The following PLEKHG2 variants were observed in gnomAD, a reference collection of about 807,000 sequenced individuals.
The protein encoded by PLEKHG2 is pleckstrin homology and RhoGEF domain containing G2.
A neutral mutation model predicts 104.4 loss-of-function variants in PLEKHG2; 71 were observed. The ratio of observed to expected loss-of-function variants is 0.68; its 90% CI spans 0.56 to 0.83. The LOEUF is 0.83. Among genes scored for constraint, PLEKHG2 ranks in the 40% least tolerant of loss-of-function variants. PLEKHG2 has a pLI of 0.00. For synonymous variants in PLEKHG2, 728 were observed against 737.0 expected (o/e 0.99, Z 0.20); for missense variants, 1,730 against 1,809.4 (o/e 0.96, Z 0.80).
At position 39,418,001 on chromosome 19, in the gene PLEKHG2, G is replaced by T; in HGVS notation, c.979G>T (p.Gly327Cys). 1 of 1,557,474 alleles carries T rather than the reference G, an allele frequency of 6.4e-7. No individual in the cohort carries two copies. Residue 327 changes from glycine to cysteine, a missense_variant, in exon 9 of 19, where the codon GGC becomes TGC. Transcript: ENST00000425673. ...EGAFRGGGGG[G>C]PRLRGGERLL... ...CGCGTTCCGAGGAGGCGGAGGGGGT[G>T]GCCCCCGGCTACGAGGGGGTGAGCG... is the stretch of plus-strand genomic sequence containing the variant.
chr19:39,417,879 C>T (rs377038158), intron 8 of PLEKHG2, 26 bp from the exon 9 acceptor site: 165 of 1,528,044 alleles, frequency 1.1e-4, no homozygotes, highest in Admixed American at 6.9e-4. Context: ...CTCTGCGCCC[C>T]GGCGCACCTG....
Position 39,423,396 on chromosome 19 carries a change from G to T in PLEKHG2, c.2342G>T (p.Arg781Leu). ...WQALEQGQLA[R>L]PGFPEPLLIL... ...GCATTGGAACAGGGACAGCTGGCCC[G>T]GCCAGGCTTCCCAGAGCCACTGCTG... The change falls in exon 18 of 19, where the codon CGG becomes CTG. Residue 781 changes from arginine (R) to leucine (L), a missense_variant. Physicochemically the swap from Arg to Leu is moderately radical, Grantham distance 102 (BLOSUM62 -2). Coordinates refer to ENST00000425673, the MANE Select transcript of PLEKHG2 (RefSeq NM_022835.3). 1 of 1,610,960 alleles carries T rather than the reference G, an allele frequency of 6.2e-7. No individual in the cohort carries two copies. Among genetic ancestry groups the T allele is most frequent in the Non-Finnish European group, 8.5e-7 (1 of 1,178,482 alleles).
Position 39,415,668 on chromosome 19 carries a change from T to TGAGG in PLEKHG2, c.479+235_479+238dup, listed in dbSNP as rs1243715576. 6.8e-6 allele frequency among the ~76,000 whole-genome samples: 1 copy of TGAGG among 146,660 alleles called. No homozygotes were observed. The highest frequency in any genetic ancestry group is 1.5e-5 in the Non-Finnish European group (1 of 66,706). On this transcript the variant is annotated intron_variant, in intron 4 of 18. Transcript: ENST00000425673. This position sits in a 1 kb window ranked among gnomAD's most constrained non-coding sequence, Gnocchi z 4.6. The stretch of plus-strand genomic sequence containing the variant: ...GCATAGCGGATGGGAGGACCCCGAG[T>TGAGG]GAGGGAGGGGCATAGCGGATGGGAG...
rs2078792236 is a variant in PLEKHG2, at chr19:39,427,260, C to G, written c.*1966C>G. 1.3e-5 allele frequency: 2 copies of G among 151,998 alleles called. No individual in the cohort carries two copies. The highest frequency in any genetic ancestry group is 2.9e-5 in the Non-Finnish European group (2 of 68,050). 9.4% of individuals were successfully genotyped at this position (151,998 alleles called of 1,614,324 possible). A position where few individuals can be genotyped will look rare whatever the true frequency, so the allele number is the denominator to read the frequency against. On this transcript the variant is annotated 3_prime_UTR_variant, in exon 19 of 19. Coordinates refer to ENST00000425673, the MANE Select transcript of PLEKHG2 (RefSeq NM_022835.3). ...GCCAGGATGGTCTCGATCTCCTGAC[C>G]TCGTGATCCTCCCGCCTCGGCCTCC...
rs1485058157 is a variant in PLEKHG2 at position 39,412,937 on chromosome 19, C to G, written c.-498C>G. On this transcript the variant is annotated 5_prime_UTR_variant, in exon 1 of 19. Transcript: ENST00000425673. ...GTTTCAAGAACTCAGGATCCAGGAC[C>G]GCAGACTCCCTCCAGGGCTCCGATC... 6.6e-6 allele frequency: 1 copy of G among 152,300 alleles called. No individual in the cohort carries two copies. The highest frequency in any genetic ancestry group is 1.9e-4 in the East Asian group (1 of 5,174). 9.4% of individuals were successfully genotyped at this position (152,300 alleles called of 1,614,324 possible). A position where few individuals can be genotyped will look rare whatever the true frequency, so the allele number is the denominator to read the frequency against.
chr19:39,414,893 T>C, intron 2 of PLEKHG2, 99 bp from the exon 3 acceptor site: 2 of 1,359,046 alleles, frequency 1.5e-6, no homozygotes, highest in South Asian at 3.0e-5. Context: ...GGAAAGCTGT[T>C]GGACAGGTGT....
At position 39,425,439 on chromosome 19, in the gene PLEKHG2, C is replaced by A; in HGVS notation, c.*145C>A. On this transcript the variant is annotated 3_prime_UTR_variant, in exon 19 of 19. Coordinates refer to ENST00000425673, the MANE Select transcript of PLEKHG2 (RefSeq NM_022835.3). ...CCTGGTATCTGCATCGGCGAATGGC[C>A]CTTCTTGCCTTGATCCACAGGGATG... The A allele has an allele frequency of 7.7e-7, 1 of 1,301,758 alleles. No individual in the cohort carries two copies. The highest frequency in any genetic ancestry group is 1.0e-6 in the Non-Finnish European group (1 of 988,002). The allele number at this position is 1,301,758 out of a possible 1,614,324, so 80.6% of individuals were successfully genotyped here.
chr19:39,419,279 GCCACGT>G (rs2078659253), intron 11 of PLEKHG2, among the ~76,000 whole-genome samples: 1 of 152,200 alleles, frequency 6.6e-6, no homozygotes, highest in Non-Finnish European at 1.5e-5. Context: ...ATGGTCACCA[GCCACGT>G]CATGGGCTTG....
In PLEKHG2 at chr19:39,421,069, C is replaced by T. The variant is rs775810613; in HGVS notation, c.1448-6C>T. On this transcript the variant is annotated splice_polypyrimidine_tract_variant and splice_region_variant and intron_variant, in intron 14 of 18. Coordinates refer to ENST00000425673, the MANE Select transcript of PLEKHG2 (RefSeq NM_022835.3). ...GGCTCCTGACATCACTGTGTCCTCC[C>T]CGCAGAGCCGGTGAAGGACCCTTAT... 3 of 1,613,922 alleles carry T rather than the reference C, an allele frequency of 1.9e-6. No homozygotes were observed. The highest frequency in any genetic ancestry group is 3.3e-5 in the Admixed American group (2 of 60,002).
chr19:39,417,331 T>C (rs918517535), intron 7 of PLEKHG2, among the ~76,000 whole-genome samples: 6 of 151,980 alleles, frequency 3.9e-5, no homozygotes, highest in African/African-American at 1.5e-4. Context: ...TTTTGTATTT[T>C]TAATAGGGAC....
chr19:39,426,173 G>T lies in PLEKHG2; in HGVS notation c.*879G>T, dbSNP rs1219994131. 6.6e-6 allele frequency: 1 copy of T among 152,262 alleles called. No homozygotes were observed. The highest frequency in any genetic ancestry group is 1.5e-5 in the Non-Finnish European group (1 of 68,082). The allele number at this position is 152,262 out of a possible 1,614,324, so 9.4% of individuals were successfully genotyped here. ...GGTCTTAGTACTATGATACTTCAGA[G>T]ACAATTCCATGCTGATACGGGGGAG... On this transcript the variant is annotated 3_prime_UTR_variant, in exon 19 of 19. Coordinates refer to ENST00000425673, the MANE Select transcript of PLEKHG2 (RefSeq NM_022835.3).
chr19:39,414,947 G>T, intron 2 of PLEKHG2, 45 bp from the exon 3 acceptor site: 1 of 1,531,040 alleles, frequency 6.5e-7, no homozygotes, highest in Non-Finnish European at 8.8e-7. Context: ...GTGGAAGTCC[G>T]TGCATGGGGA....
Position 39,415,022 on chromosome 19 carries a change from G to C in PLEKHG2, c.140G>C (p.Arg47Pro), listed in dbSNP as rs114725664. Residue 47 changes from arginine to proline, a missense_variant, in exon 3 of 19, where the codon CGA becomes CCA. Coordinates refer to ENST00000425673, the MANE Select transcript of PLEKHG2 (RefSeq NM_022835.3). This position sits in a 1 kb window ranked among gnomAD's most constrained non-coding sequence, Gnocchi z 4.6. ...GCAGCCCCCACCATGGCCTCCCCCC[G>C]AGGTTCTGGGAGCTCCACATCCCTG... ...APAAPTMASP[R>P]GSGSSTSLST... 1.3e-6 allele frequency: 2 copies of C among 1,596,638 alleles called. No homozygotes were observed. The highest frequency in any genetic ancestry group is 1.7e-6 in the Non-Finnish European group (2 of 1,170,108).
At chr19:39,417,062 T>C in intron 7 of PLEKHG2, 62 bp downstream of exon 7, 1 of 1,509,316 alleles carries the variant, frequency 6.6e-7, no homozygotes. Flanking sequence ...GACCACCTGT[T>C]GGTTCATCTG....
rs370442696 is a variant in PLEKHG2, at chr19:39,416,465, G to A, written c.546+51G>A. The A allele has an allele frequency of 2.0e-5, 33 of 1,611,216 alleles. No individual in the cohort carries two copies. The highest frequency in any genetic ancestry group is 1.7e-4 in the Middle Eastern group (1 of 6,048). On this transcript the variant is annotated intron_variant, in intron 5 of 18. Transcript: ENST00000425673. The surrounding 1 kb of genome is among the most constrained non-coding windows in gnomAD (Gnocchi z 4.5). The stretch of plus-strand genomic sequence containing the variant: ...GGTCCTGGATGGGGCCTTTGTAGAG[G>A]GGGGAGAGCAGGCTTGGGCTAGGCT...
chr19:39,420,924 A>G (rs751404849), intron 13 of PLEKHG2, 25 bp from the exon 14 acceptor site: 3 of 1,613,878 alleles, frequency 1.9e-6, no homozygotes, highest in East Asian at 2.2e-5. Flanking sequence ...GGGCTCACAC[A>G]GGGCTCTGGC....
chr19:39,423,593 C>G lies in PLEKHG2; in HGVS notation c.2539C>G (p.Pro847Ala). 6.5e-7 allele frequency: 1 copy of G among 1,534,008 alleles called. No individual in the cohort carries two copies. Among genetic ancestry groups the G allele is most frequent in the Non-Finnish European group, 8.8e-7 (1 of 1,141,414 alleles). Residue 847 changes from proline to alanine, a missense_variant, in exon 18 of 19, where the codon CCT becomes GCT. Physicochemically the swap from Pro to Ala is conservative, Grantham distance 27. Coordinates refer to ENST00000425673, the MANE Select transcript of PLEKHG2 (RefSeq NM_022835.3). ...ATCAGCCAATGCCCCGCGCCGCCGG[C>G]CTCGGGTTCTGGCCCAACCCCAGCC... ...RASANAPRRRPRVLAQPQPSP... is the reference protein window; with the variant it reads ...RASANAPRRRARVLAQPQPSP...
rs2078644959 is a variant in PLEKHG2 at position 39,418,465 on chromosome 19, G to A, written c.1084-269G>A. ...GTGGTGGCAAGTGCCTGTAATCCCA[G>A]CTACTGGGGAGGCTGAGGCAGGAGA... On this transcript the variant is annotated intron_variant, in intron 9 of 18. Coordinates refer to ENST00000425673, the MANE Select transcript of PLEKHG2 (RefSeq NM_022835.3). Among the ~76,000 whole-genome samples, 4 of 152,070 alleles carry A rather than the reference G, an allele frequency of 2.6e-5. No homozygotes were observed. The South Asian group carries it at 8.3e-4, about 31-fold the overall frequency.
rs1301682602 is a variant in PLEKHG2, at chr19:39,425,976, TCCATCTTCCCACTTAC to T, written c.*691_*706del. ...ATCTGGCATTCCATCCCTCCATTTA[TCCATCTTCCCACTTAC>T]CCATCTTCTCCATCCAGCACTCCGT... On this transcript the variant is annotated 3_prime_UTR_variant, in exon 19 of 19. Transcript: ENST00000425673. The T allele has an allele frequency of 2.0e-5, 3 of 152,428 alleles. No individual in the cohort carries two copies. The highest frequency in any genetic ancestry group is 4.4e-5 in the Non-Finnish European group (3 of 68,156). 9.4% of individuals were successfully genotyped at this position (152,428 alleles called of 1,614,324 possible).
Sources: gnomAD v4.1 joint callset for allele counts (sites outside exome capture counted in the v4.1 genomes callset) on GRCh38, gnomAD v4.1.1 for gene constraint, Gnocchi (gnomAD v3.1) non-coding constraint, MANE v1.5 for transcripts, NCBI Gene and HGNC (gene_info 2026-07-23, HGNC 2026-07-21) for gene names.